The following RABGAP1L variants were observed in gnomAD, a reference collection of about 807,000 sequenced individuals.
RABGAP1L encodes the protein RAB GTPase activating protein 1 like, also known as rab GTPase-activating protein 1-like.
RABGAP1L carries 63 observed loss-of-function variants against 137.7 expected under a neutral mutation model. The ratio of observed to expected loss-of-function variants is 0.46; its 90% CI spans 0.37 to 0.56. The LOEUF is 0.56. RABGAP1L is among the 20% of genes least tolerant of loss of function. The probability of loss-of-function intolerance (pLI) is 0.00; values close to 1 mark genes in which losing one functional copy is unlikely to be tolerated. For synonymous variants in RABGAP1L, 431 were observed against 433.7 expected (o/e 0.99, Z 0.08); for missense variants, 1,095 against 1,244.0 (o/e 0.88, Z 1.80).
chr1:174,348,091 T>G (rs1682619938), intron 11 of RABGAP1L, among the ~76,000 whole-genome samples: 1 of 151,990 alleles, frequency 6.6e-6, no homozygotes, highest in Non-Finnish European at 1.5e-5. Flanking sequence ...TTTCTTCCTA[T>G]CTTCCTTTCT....
chr1:174,341,607 G>A (rs1266204363), intron 11 of RABGAP1L, among the ~76,000 whole-genome samples: 1 of 152,102 alleles, frequency 6.6e-6, no homozygotes, highest in Non-Finnish European at 1.5e-5. Context: ...GAACTGAAAT[G>A]GAACTTTTCC....
chr1:174,358,875 A>G (rs1392467505), intron 11 of RABGAP1L, among the ~76,000 whole-genome samples: 1 of 152,208 alleles, frequency 6.6e-6, no homozygotes, highest in East Asian at 1.9e-4. Context: ...TACAGAAATA[A>G]AAGTGGCCAC....
chr1:174,718,821 G>A (rs1377002948), intron 17 of RABGAP1L, among the ~76,000 whole-genome samples: 1 of 143,358 alleles, frequency 7.0e-6, no homozygotes, highest in East Asian at 2.1e-4. Context: ...AGTGTGGTAG[G>A]TTTTCTTTTC....
intron 13 of RABGAP1L, among the ~76,000 whole-genome samples, chr1:174,500,326 C>G (rs144094074): frequency 6.6e-5 from 10 of 152,106 alleles, no homozygotes; most frequent in African/African-American, 2.4e-4. Context: ...GTAATCCACC[C>G]TTCTCGGCCT....
chr1:174,598,450 A>AT (rs1287581230), intron 13 of RABGAP1L, among the ~76,000 whole-genome samples: 1 of 151,900 alleles, frequency 6.6e-6, no homozygotes, highest in African/African-American at 2.4e-5. Flanking sequence ...GCTAAGTCCA[A>AT]TTTTTTTGTT....
intron 19 of RABGAP1L, among the ~76,000 whole-genome samples, chr1:174,932,282 G>A (rs12047713): frequency 1.3e-5 from 2 of 150,980 alleles, no homozygotes; most frequent in Admixed American, 6.6e-5. Flanking sequence ...AGAATGCTGA[G>A]CCTGATGCTG....
intron 13 of RABGAP1L, among the ~76,000 whole-genome samples, chr1:174,414,865 T>G (rs531973476): frequency 6.6e-6 from 1 of 152,012 alleles, no homozygotes. Flanking sequence ...CATACATCTA[T>G]TGAAAACTAG....
chr1:174,292,357 T>TA (rs1553267751), intron 10 of RABGAP1L, among the ~76,000 whole-genome samples: 3 of 98,568 alleles, frequency 3.0e-5, no homozygotes, highest in Admixed American at 9.7e-5. Flanking sequence ...TTTTTTTTTT[T>TA]ACTGCTTTTT....
intron 1 of RABGAP1L, among the ~76,000 whole-genome samples, chr1:174,190,743 G>A (rs1320647982): frequency 6.6e-6 from 1 of 152,184 alleles, no homozygotes; most frequent in African/African-American, 2.4e-5. Flanking sequence ...TCACTGACCG[G>A]TACAAGAGGC....
intron 14 of RABGAP1L, among the ~76,000 whole-genome samples, chr1:174,682,510 T>C (rs1229575594): frequency 6.6e-6 from 1 of 151,354 alleles, no homozygotes; most frequent in Non-Finnish European, 1.5e-5. Context: ...CAACCAGTAC[T>C]ATAAGTGTTC....
intron 10 of RABGAP1L, among the ~76,000 whole-genome samples, chr1:174,296,153 A>G (rs6425277): frequency 0.39 from 59,191 of 152,064 alleles, 14,543 homozygotes; most frequent in African/African-American, 0.7. Context: ...GAGAATGCCT[A>G]AAGTATCAGT....
chr1:174,691,958 TAA>T (rs1440835090), intron 15 of RABGAP1L, among the ~76,000 whole-genome samples: 3 of 152,210 alleles, frequency 2.0e-5, no homozygotes, highest in Non-Finnish European at 4.4e-5. Flanking sequence ...GATTGAGGGA[TAA>T]GCTGAATAGT....
rs1036049661 is a variant in RABGAP1L, at chr1:174,848,835, C to T, written c.2340+36875C>T. On this transcript the variant is annotated intron_variant, in intron 19 of 25. Coordinates refer to ENST00000681986, the MANE Select transcript of RABGAP1L (RefSeq NM_001366446.1). The stretch of plus-strand genomic sequence containing the variant: ...GGCGCCCCTCCCCCAGCTTCGCTGC[C>T]GCCTTGCAGTTTGATCTCAGACTGC... Among the ~76,000 whole-genome samples, 20 of 151,410 alleles carry T rather than the reference C, an allele frequency of 1.3e-4. 1 individual carries two copies. Among genetic ancestry groups the T allele is most frequent in the Non-Finnish European group, 2.1e-4 (14 of 67,882 alleles).
At chr1:174,327,974 TATATACACAC>T (rs1201677640) in intron 11 of RABGAP1L, among the ~76,000 whole-genome samples, 463 of 16,048 alleles carry the variant, frequency 0.029, 8 homozygotes, top group Middle Eastern at 0.067. Context: ...TATATATATA[TATATACACAC>T]ACATATATAT....
At chr1:174,433,809 A>T (rs1652921224) in intron 13 of RABGAP1L, among the ~76,000 whole-genome samples, 1 of 152,160 alleles carries the variant, frequency 6.6e-6, no homozygotes, top group South Asian at 2.1e-4. Context: ...TCATTATACT[A>T]TATAATTTCC....
chr1:174,790,309 A>G (rs1687753903), intron 18 of RABGAP1L, among the ~76,000 whole-genome samples: 1 of 152,184 alleles, frequency 6.6e-6, no homozygotes, highest in African/African-American at 2.4e-5. Flanking sequence ...ACTGCCCTTC[A>G]TTAGATAAAG....
At chr1:174,523,703 A>G (rs558182568) in intron 13 of RABGAP1L, among the ~76,000 whole-genome samples, 2 of 152,278 alleles carry the variant, frequency 1.3e-5, no homozygotes, top group South Asian at 4.1e-4. Flanking sequence ...TAGTCAGTGT[A>G]GTCTAATATC....
intron 19 of RABGAP1L, among the ~76,000 whole-genome samples, chr1:174,816,300 G>A (rs941485890): frequency 5.9e-5 from 9 of 151,802 alleles, no homozygotes; most frequent in Admixed American, 6.6e-5. Context: ...TTATAGGCAT[G>A]CACCACCACG....
chr1:174,360,243 T>TG (rs1684013741), intron 11 of RABGAP1L, among the ~76,000 whole-genome samples: 1 of 92,902 alleles, frequency 1.1e-5, no homozygotes, highest in Non-Finnish European at 1.8e-5. Flanking sequence ...GTTCAAAAGT[T>TG]AAAATTTTTT....
Sources: allele counts gnomAD v4.1 joint callset (sites outside exome capture counted in the v4.1 genomes callset), GRCh38; gene constraint gnomAD v4.1.1; transcripts MANE v1.5; gene names NCBI Gene and HGNC (gene_info 2026-07-23, HGNC 2026-07-21).